Variants in FNDC3A observed in about 807,000 individuals in gnomAD.
FNDC3A encodes fibronectin type III domain containing 3A, also known as fibronectin type-III domain-containing protein 3A.
A neutral mutation model predicts 148.9 loss-of-function variants in FNDC3A; 32 were observed. The ratio of observed to expected loss-of-function variants is 0.21; its 90% CI spans 0.16 to 0.29. The LOEUF (loss-of-function observed/expected upper bound fraction) is 0.29. Ranked by LOEUF, FNDC3A falls within the 10% of genes least tolerant of loss-of-function variation. FNDC3A has a pLI of 1.00. For synonymous variants in FNDC3A, 472 were observed against 473.6 expected (o/e 1.00, Z 0.04); for missense variants, 1,191 against 1,452.8 (o/e 0.82, Z 2.93).
At chr13:49,026,761 G>A (rs1873744538) in intron 2 of FNDC3A, among the ~76,000 whole-genome samples, 1 of 152,112 alleles carries the variant, frequency 6.6e-6, no homozygotes, top group Admixed American at 6.5e-5. Context: ...TGCCTCGATA[G>A]AAGGTTTTGA....
At chr13:49,153,858 G>C (rs1278026023) in intron 8 of FNDC3A, among the ~76,000 whole-genome samples, 1 of 117,186 alleles carries the variant, frequency 8.5e-6, no homozygotes, top group Non-Finnish European at 1.8e-5. Context: ...TGAGGGCTCT[G>C]TTCTGTTCCA....
intron 14 of FNDC3A, among the ~76,000 whole-genome samples, chr13:49,178,986 C>T (rs2138073260): frequency 6.6e-6 from 1 of 152,288 alleles, no homozygotes; most frequent in African/African-American, 2.4e-5. Flanking sequence ...CTCGGCCTCC[C>T]AGAGTTCTGG....
At chr13:49,045,861 T>G in intron 2 of FNDC3A, 1 of 334,588 alleles carries the variant, frequency 3.0e-6, no homozygotes, top group Non-Finnish European at 5.5e-6. Context: ...TGGAGGCTGT[T>G]TCTTACACTT....
intron 4 of FNDC3A, among the ~76,000 whole-genome samples, chr13:49,120,873 T>C (rs1391021888): frequency 6.6e-6 from 1 of 152,100 alleles, no homozygotes; most frequent in African/African-American, 2.4e-5. Flanking sequence ...CAAACAGACT[T>C]AGACTCCCAC....
intron 4 of FNDC3A, among the ~76,000 whole-genome samples, chr13:49,115,828 C>T (rs578236730): frequency 1.3e-5 from 2 of 152,286 alleles, no homozygotes; most frequent in East Asian, 1.9e-4. Flanking sequence ...AACTGCTTTC[C>T]GCTATGTACC....
rs552454007 is a variant in FNDC3A, at chr13:49,158,467, A to G, written c.978-8777A>G. Among the ~76,000 whole-genome samples, 14 of 152,320 alleles carry G rather than the reference A, an allele frequency of 9.2e-5. No individual in the cohort carries two copies. In the East Asian group the frequency reaches 2.7e-3, roughly 29 times the overall value. On this transcript the variant is annotated intron_variant, in intron 8 of 25. Transcript: ENST00000492622. Reference sequence around the variant, plus strand: ...CCCGGTACCTCAGATGGAAATGCAGAAATCACCAGTCTTCTGCGTCGCTCA... The same window carrying G: ...CCCGGTACCTCAGATGGAAATGCAGGAATCACCAGTCTTCTGCGTCGCTCA...
In FNDC3A at chr13:49,207,827, C is replaced by A. The variant is rs1234046234; in HGVS notation, c.*432C>A. The A allele has an allele frequency of 6.5e-6, 1 of 154,826 alleles. No homozygotes were observed. The highest frequency in any genetic ancestry group is 1.4e-5 in the Non-Finnish European group (1 of 69,592). 9.6% of individuals were successfully genotyped at this position (154,826 alleles called of 1,614,324 possible). A position where few individuals can be genotyped will look rare whatever the true frequency, so the allele number is the denominator to read the frequency against. On this transcript the variant is annotated 3_prime_UTR_variant, in exon 26 of 26. Coordinates refer to ENST00000492622, the MANE Select transcript of FNDC3A (RefSeq NM_001079673.2). ...AACATGCTATATAAAATGTTAAAGTCTGATGCTGTGAAAGCAATCTAGTGC... is the reference window on the plus strand; with the variant it reads ...AACATGCTATATAAAATGTTAAAGTATGATGCTGTGAAAGCAATCTAGTGC...
chr13:49,108,486 C>T (rs771682536), intron 3 of FNDC3A, among the ~76,000 whole-genome samples: 3 of 152,058 alleles, frequency 2.0e-5, no homozygotes, highest in Non-Finnish European at 4.4e-5. Context: ...AAGTTTTCTA[C>T]AGGACATCCA....
At chr13:49,075,135 AT>A in intron 2 of FNDC3A, among the ~76,000 whole-genome samples, 153 bp from the exon 3 acceptor site, 1 of 151,656 alleles carries the variant, frequency 6.6e-6, no homozygotes, top group East Asian at 1.9e-4. Flanking sequence ...GTGATGTCAC[AT>A]TTTTTTTAGC....
intron 2 of FNDC3A, among the ~76,000 whole-genome samples, chr13:49,046,956 G>A (rs1482177694): frequency 1.3e-5 from 2 of 151,828 alleles, no homozygotes; most frequent in South Asian, 2.1e-4. Context: ...CCCATCATCC[G>A]AGCAGTGTAC....
intron 17 of FNDC3A, among the ~76,000 whole-genome samples, chr13:49,190,603 A>G (rs532007228): frequency 2.6e-5 from 4 of 152,364 alleles, no homozygotes; most frequent in South Asian, 4.1e-4. Flanking sequence ...CCTCCTTACA[A>G]CAATACAAAC....
chr13:49,175,782 T>A (rs1884998445), intron 13 of FNDC3A, among the ~76,000 whole-genome samples: 1 of 152,208 alleles, frequency 6.6e-6, no homozygotes, highest in South Asian at 2.1e-4. Flanking sequence ...TGTGCCAGTT[T>A]TCAAAGAGAA....
intron 1 of FNDC3A, among the ~76,000 whole-genome samples, chr13:48,990,506 C>G (rs1350164852): frequency 1.4e-5 from 2 of 140,140 alleles, no homozygotes; most frequent in Admixed American, 1.6e-4. Flanking sequence ...AATCCCAGCA[C>G]TTTCGGAGGC....
chr13:49,194,655 G>T (rs754565616), intron 19 of FNDC3A, among the ~76,000 whole-genome samples: 43 of 151,984 alleles, frequency 2.8e-4, no homozygotes, highest in Non-Finnish European at 5.3e-4. Flanking sequence ...TTTTTTAATC[G>T]TGAATATGAT....
intron 8 of FNDC3A, among the ~76,000 whole-genome samples, chr13:49,158,693 T>C (rs1004656238): frequency 1.3e-5 from 2 of 152,236 alleles, no homozygotes; most frequent in African/African-American, 4.8e-5. Flanking sequence ...AGTCCTTGCC[T>C]ATGCCTATGT....
intron 7 of FNDC3A, among the ~76,000 whole-genome samples, chr13:49,145,408 G>C (rs1347958961): frequency 6.6e-6 from 1 of 152,136 alleles, no homozygotes; most frequent in East Asian, 1.9e-4. Flanking sequence ...GGATGTCGAT[G>C]TCCTTTGCTC....
chr13:48,983,657 T>A (rs1034192531), intron 1 of FNDC3A, among the ~76,000 whole-genome samples: 1 of 152,242 alleles, frequency 6.6e-6, no homozygotes, highest in Non-Finnish European at 1.5e-5. Context: ...TAAAAGGCAC[T>A]TAGTAAATAA....
chr13:49,201,173 GAT>G (rs1300846669), intron 23 of FNDC3A: 1 of 303,142 alleles, frequency 3.3e-6, no homozygotes, highest in Non-Finnish European at 6.6e-6. Context: ...TCAACTTATA[GAT>G]AACATATTAG....
intron 12 of FNDC3A, 93 bp from the exon 13 acceptor site, chr13:49,175,274 G>T: frequency 1.3e-6 from 1 of 784,614 alleles, no homozygotes; most frequent in Non-Finnish European, 1.9e-6. Context: ...ATCAAAACTT[G>T]TCATTTTCCA....
Sources: allele counts gnomAD v4.1 joint callset (sites outside exome capture counted in the v4.1 genomes callset), GRCh38; gene constraint gnomAD v4.1.1; transcripts MANE v1.5; gene names NCBI Gene and HGNC (gene_info 2026-07-23, HGNC 2026-07-21).